Variants in DHPS observed in about 807,000 individuals in gnomAD.
DHPS encodes the protein migration-inducing gene 13.
DHPS carries 24 observed loss-of-function variants against 38.7 expected under a neutral mutation model. That is an observed-to-expected ratio of 0.62 (90% confidence interval 0.45 to 0.87). The LOEUF (loss-of-function observed/expected upper bound fraction) is 0.87. Ranked by LOEUF, DHPS falls within the 40% of genes least tolerant of loss-of-function variation. The probability of loss-of-function intolerance (pLI) is 0.00; values close to 1 mark genes in which losing one functional copy is unlikely to be tolerated. For missense variants in DHPS, 510 were observed against 497.6 expected, an observed-to-expected ratio of 1.02 and a Z score of -0.24; for synonymous variants, 250 against 204.4, an observed-to-expected ratio of 1.22 and a Z score of -1.90.
At chr19:12,672,784 C>G (rs1295567553), downstream of DHPS, 30 of 1,522,258 alleles carry the variant, frequency 2.0e-5, no homozygotes, top group Non-Finnish European at 2.7e-5. Flanking sequence ...TGGGAAGGCA[C>G]AGGGCTGCCT....
chr19:12,677,386 G>C lies in DHPS; in HGVS notation c.689C>G (p.Pro230Arg). Reference sequence around the variant, plus strand: ...GTCTGTAAGTGCGGGACTAAACACAGGGATGTGGTTCTGCAGAGAACATGA... The same window carrying C: ...GTCTGTAAGTGCGGGACTAAACACACGGATGTGGTTCTGCAGAGAACATGA... ...VYYWAQKNHI[P>R]VFSPALTDGS... is the part of the protein sequence containing the mutation. Residue 230 changes from proline (P) to arginine (R), a missense_variant, in exon 6 of 9, where the codon CCT becomes CGT. Coordinates refer to ENST00000210060, the MANE Select transcript of DHPS (RefSeq NM_001930.4). 1 of 1,613,844 alleles carries C rather than the reference G, an allele frequency of 6.2e-7. No homozygotes were observed. The highest frequency in any genetic ancestry group is 8.5e-7 in the Non-Finnish European group (1 of 1,179,842).
chr19:12,681,818 C>A lies in DHPS; in HGVS notation c.-52G>T. The A allele has an allele frequency of 6.5e-7, 1 of 1,547,750 alleles. No individual in the cohort carries two copies. Among genetic ancestry groups the A allele is most frequent in the Non-Finnish European group, 8.8e-7 (1 of 1,139,736 alleles). On this transcript the variant is annotated 5_prime_UTR_variant, in exon 1 of 9. Transcript: ENST00000210060. ...AGCTGCCCCTAGGCCGGGCTTACGG[C>A]GGCCCAGAAACGCGTTAAACCCCGA...
downstream of DHPS, chr19:12,675,517 C>G (rs1382722580): frequency 1.9e-6 from 3 of 1,603,158 alleles, no homozygotes; most frequent in Non-Finnish European, 1.7e-6. Flanking sequence ...ACCCCTCGCT[C>G]CACAGGGTGC....
downstream of DHPS, chr19:12,672,709 C>G (rs2024458202): frequency 6.9e-6 from 6 of 873,388 alleles, no homozygotes; most frequent in Admixed American, 1.1e-4. Context: ...GGCCCTGGGC[C>G]TGAGTCTCAA....
Position 12,677,143 on chromosome 19 carries a change from C to T in DHPS, c.853G>A (p.Val285Met), listed in dbSNP as rs770020319. Residue 285 changes from valine (V) to methionine (M), a missense_variant, in exon 7 of 9, where the codon GTG becomes ATG. Coordinates refer to ENST00000210060, the MANE Select transcript of DHPS (RefSeq NM_001930.4). ...CTGMIILGGG[V>M]VKHHIANANL... ...GCATTGGCAATGTGGTGCTTGACCACGCCCCCGCCCAGAATGATCATCCCA... is the reference window on the plus strand; with the variant it reads ...GCATTGGCAATGTGGTGCTTGACCATGCCCCCGCCCAGAATGATCATCCCA... 1.4e-5 allele frequency: 22 copies of T among 1,614,108 alleles called. No individual in the cohort carries two copies. The East Asian group carries it at 2.0e-4, about 15-fold the overall frequency.
At chr19:12,676,641 C>G in intron 7 of DHPS, 1 of 239,830 alleles carries the variant, frequency 4.2e-6, no homozygotes, top group South Asian at 5.3e-5. Context: ...GCATCACCTC[C>G]TGGCCCTCAC....
chr19:12,675,778 G>T lies in DHPS; in HGVS notation c.*60C>A. 1 of 1,565,610 alleles carries T rather than the reference G, an allele frequency of 6.4e-7. No individual in the cohort carries two copies. On this transcript the variant is annotated 3_prime_UTR_variant, in exon 9 of 9. Coordinates refer to ENST00000210060, the MANE Select transcript of DHPS (RefSeq NM_001930.4). ...TAGCTGACCAAAAAGTAGGGGAGGG[G>T]CTGGGTCTGCAAATTAATAAATAGA...
chr19:12,672,508 TGAGG>T (rs1431140151), downstream of DHPS: 13 of 323,626 alleles, frequency 4.0e-5, no homozygotes, highest in South Asian at 3.9e-4. Context: ...CTCGGGAGGC[TGAGG>T]AAGGAGAATC....
At position 12,681,040 on chromosome 19, in the gene DHPS, G is replaced by T. The variant is rs185228821; in HGVS notation, c.207+520C>A. ...GTAGAGACAGGGTTTCACCATGTTG[G>T]CCAGGCTTGTCTCGAACTCCTCTTC... is the stretch of plus-strand genomic sequence containing the variant. On this transcript the variant is annotated intron_variant, in intron 1 of 8. Coordinates refer to ENST00000210060, the MANE Select transcript of DHPS (RefSeq NM_001930.4). 2.8e-5 allele frequency: 26 copies of T among 939,274 alleles called. No individual in the cohort carries two copies. The East Asian group carries it at 1.7e-3, about 62-fold the overall frequency. The allele number at this position is 939,274 out of a possible 1,614,324, so 58.2% of individuals were successfully genotyped here.
At chr19:12,675,601 C>T (rs748663188), downstream of DHPS, 1 of 1,604,974 alleles carries the variant, frequency 6.2e-7, no homozygotes, top group Non-Finnish European at 8.5e-7. Context: ...GCCCTGCCTG[C>T]TGACCGCCAT....
Position 12,681,825 on chromosome 19 carries a change from G to A in DHPS, c.-59C>T. 1.3e-6 allele frequency: 2 copies of A among 1,508,646 alleles called. No individual in the cohort carries two copies. Among genetic ancestry groups the A allele is most frequent in the Non-Finnish European group, 1.8e-6 (2 of 1,106,804 alleles). 93.5% of individuals were successfully genotyped at this position (1,508,646 alleles called of 1,614,324 possible). ...CCTAGGCCGGGCTTACGGCGGCCCA[G>A]AAACGCGTTAAACCCCGACGCGCGC... is the stretch of plus-strand genomic sequence containing the variant. On this transcript the variant is annotated 5_prime_UTR_variant, in exon 1 of 9. Coordinates refer to ENST00000210060, the MANE Select transcript of DHPS (RefSeq NM_001930.4).
chr19:12,674,554 A>C (rs1422131551), downstream of DHPS, among the ~76,000 whole-genome samples: 1 of 152,200 alleles, frequency 6.6e-6, no homozygotes, highest in African/African-American at 2.4e-5. Flanking sequence ...GTTGCCTTGG[A>C]GGGCAGGCAC....
At chr19:12,677,501 G>A (rs995929106) in intron 5 of DHPS, 105 bp from the exon 6 acceptor site, 3 of 895,356 alleles carry the variant, frequency 3.4e-6, no homozygotes, top group Admixed American at 4.8e-5. Context: ...CTCTAGGACT[G>A]TTTCCTCAAT....
chr19:12,679,775 T>G, intron 3 of DHPS, 26 bp downstream of exon 3: 3 of 1,614,080 alleles, frequency 1.9e-6, no homozygotes, highest in Non-Finnish European at 2.5e-6. Flanking sequence ...CCAGCTCCCC[T>G]GCCCAACACC....
chr19:12,675,090 G>T (rs10426586), downstream of DHPS, among the ~76,000 whole-genome samples: 20,719 of 150,496 alleles, frequency 0.14, 4,291 homozygotes, highest in African/African-American at 0.45. Flanking sequence ...CTCCAGCCTG[G>T]CGACAGAGCA....
At chr19:12,681,375 G>A (rs770309917) in intron 1 of DHPS, 185 bp downstream of exon 1, 5 of 981,156 alleles carry the variant, frequency 5.1e-6, no homozygotes, top group Non-Finnish European at 7.3e-6. Context: ...GTAACTACCA[G>A]AGTGCAAAAT....
In DHPS at chr19:12,677,426, G is replaced by A. The variant is rs187418820; in HGVS notation, c.679-30C>T. 70 of 1,589,626 alleles carry A rather than the reference G, an allele frequency of 4.4e-5. No individual in the cohort carries two copies. The African/African-American group carries it at 8.1e-4, about 18-fold the overall frequency. On this transcript the variant is annotated intron_variant, in intron 5 of 8. Transcript: ENST00000210060. ...AGAGAACATGACAGGACAGTGGCTG[G>A]AGCTCAGAGCCTCGTCTCCATGCTG... is the stretch of plus-strand genomic sequence containing the variant.
At position 12,681,623 on chromosome 19, in the gene DHPS, G is replaced by A. The variant is rs2024818232; in HGVS notation, c.144C>T (p.Ala48=). The change falls in exon 1 of 9, where the codon GCC becomes GCT. Residue 48 remains alanine (A), a synonymous_variant. Transcript: ENST00000210060. ...RGVNYRALLE[A]FGTTGFQATN... is the part of the protein sequence containing the mutation. ...TTGCTTGGAAGCCGGTGGTGCCGAA[G>A]GCCTCCAGCAGTGCGCGGTAATTCA... 3.1e-6 allele frequency: 5 copies of A among 1,614,224 alleles called. No homozygotes were observed. In the South Asian group the frequency reaches 3.3e-5, roughly 11 times the overall value.
rs137888580 is a variant in DHPS, at chr19:12,675,926, G to C, written c.1022C>G (p.Ala341Gly). 657 of 1,607,146 alleles carry C rather than the reference G, an allele frequency of 4.1e-4. 3 individuals carry two copies. The highest frequency in any genetic ancestry group is 1.3e-3 in the Middle Eastern group (8 of 6,018). ...RVDAQPVKVY[A>G]DASLVFPLLV... The stretch of plus-strand genomic sequence containing the variant: ...CAGGGGGAAGACCAGGGAGGCGTCA[G>C]CATAGACCTGGGTAGGGGGGAACCT... The change falls in exon 9 of 9, where the codon GCT (alanine) becomes GGT (glycine). Residue 341 changes from alanine (A) to glycine (G), a missense_variant. Transcript: ENST00000210060.
Sources: gnomAD v4.1 joint callset for allele counts (sites outside exome capture counted in the v4.1 genomes callset) on GRCh38, gnomAD v4.1.1 for gene constraint, MANE v1.5 for transcripts, NCBI Gene and HGNC (gene_info 2026-07-23, HGNC 2026-07-21) for gene names.